Variants in ADCY5 observed in about 807,000 individuals in gnomAD.
ADCY5 encodes adenylate cyclase type 5.
Under a neutral mutation model 119.7 loss-of-function variants are expected in ADCY5, and 30 were observed. The ratio of observed to expected loss-of-function variants is 0.25; its 90% confidence interval spans 0.19 to 0.34. ADCY5 has a LOEUF of 0.34. Among genes scored for constraint, ADCY5 ranks in the 10% least tolerant of loss-of-function variants. The pLI, the probability that ADCY5 is intolerant of heterozygous loss-of-function variation, is 1.00. For missense variants in ADCY5, 1,324 were observed against 1,775.2 expected, an observed-to-expected ratio of 0.75 and a Z score of 4.57; for synonymous variants, 753 against 762.2, an observed-to-expected ratio of 0.99 and a Z score of 0.20.
At chr3:123,322,673 C>A (rs1941285273) in intron 8 of ADCY5, among the ~76,000 whole-genome samples, 1 of 152,186 alleles carries the variant, frequency 6.6e-6, no homozygotes, top group African/African-American at 2.4e-5. Context: ...ACCCTACCGG[C>A]TATTCCTGGG....
chr3:123,333,140 G>A (rs111786026), intron 3 of ADCY5, among the ~76,000 whole-genome samples: 1,611 of 152,252 alleles, frequency 0.011, 12 homozygotes, highest in Middle Eastern at 0.01. Context: ...GAGCCCTCAC[G>A]AATGGATTAG....
intron 3 of ADCY5, among the ~76,000 whole-genome samples, chr3:123,345,431 G>A (rs890330225): frequency 5.9e-5 from 9 of 152,206 alleles, no homozygotes; most frequent in Non-Finnish European, 1.0e-4. Context: ...AAAGCTCTGC[G>A]GAGCTGAGAG....
intron 1 of ADCY5, among the ~76,000 whole-genome samples, chr3:123,419,853 C>T (rs900501993): frequency 1.3e-5 from 2 of 152,152 alleles, no homozygotes; most frequent in Non-Finnish European, 2.9e-5. Context: ...GCTCTTCCCA[C>T]TCCGACTCTC....
intron 1 of ADCY5, among the ~76,000 whole-genome samples, chr3:123,355,870 T>C (rs1943020542): frequency 6.6e-6 from 1 of 152,182 alleles, no homozygotes; most frequent in African/African-American, 2.4e-5. Context: ...TGAAAAAGAT[T>C]GCCAATCAAG....
At position 123,302,107 on chromosome 3, in the gene ADCY5, T is replaced by C. The variant is rs184194135; in HGVS notation, c.2724+948A>G. The stretch of plus-strand genomic sequence containing the variant: ...GCCCTTTGGGAGTTGGATGAAAACA[T>C]AGACCTTCTCCCCAGAAAAAGGCAA... On this transcript the variant is annotated intron_variant, in intron 14 of 20. Coordinates refer to ENST00000462833, the MANE Select transcript of ADCY5 (RefSeq NM_183357.3). Among the ~76,000 whole-genome samples, 491 of 152,290 alleles carry C rather than the reference T, an allele frequency of 3.2e-3. 7 individuals carry two copies. The highest frequency in any genetic ancestry group is 9.5e-3 in the African/African-American group (394 of 41,568).
intron 1 of ADCY5, among the ~76,000 whole-genome samples, chr3:123,384,513 C>T (rs1944151543): frequency 6.6e-6 from 1 of 152,206 alleles, no homozygotes; most frequent in Non-Finnish European, 1.5e-5. Flanking sequence ...TACATTACCT[C>T]GGGCTCTTGC....
chr3:123,398,269 C>T, intron 1 of ADCY5, among the ~76,000 whole-genome samples: 1 of 152,102 alleles, frequency 6.6e-6, no homozygotes, highest in African/African-American at 2.4e-5. Context: ...TGCCCCTCTA[C>T]TGGGACCCAC....
chr3:123,290,043 C>G, intron 18 of ADCY5, 89 bp from the exon 19 acceptor site: 1 of 1,307,396 alleles, frequency 7.6e-7, no homozygotes. Context: ...GGAAGTGCAG[C>G]AGCATGGCCC....
intron 7 of ADCY5, among the ~76,000 whole-genome samples, chr3:123,327,292 A>C (rs1941537923): frequency 6.6e-6 from 1 of 152,220 alleles, no homozygotes; most frequent in Admixed American, 6.5e-5. Context: ...TAAAAGGCAA[A>C]TGAAAAGGAG....
rs58986112 is a variant in ADCY5, at chr3:123,358,195, T to TGTATGTGTGTGTGA, written c.1135-5615_1135-5614insTCACACACACATAC. Reference sequence around the variant, plus strand: ...GTGTGTGTGTGTGTGTGTGTGTGTGTAGGGAGTTGGTGGTATGGCGGAGCA... The same window carrying TGTATGTGTGTGTGA: ...GTGTGTGTGTGTGTGTGTGTGTGTGTGTATGTGTGTGTGAAGGGAGTTGGTGGTATGGCGGAGCA... On this transcript the variant is annotated intron_variant, in intron 1 of 20. Transcript: ENST00000462833. Among the ~76,000 whole-genome samples, 117 of 149,200 alleles carry TGTATGTGTGTGTGA rather than the reference T, an allele frequency of 7.8e-4. 3 individuals are homozygous for TGTATGTGTGTGTGA. The highest frequency in any genetic ancestry group is 2.3e-3 in the African/African-American group (94 of 40,046).
chr3:123,339,736 C>T (rs1576594988), intron 3 of ADCY5, among the ~76,000 whole-genome samples: 3 of 148,424 alleles, frequency 2.0e-5, no homozygotes, highest in South Asian at 4.4e-4. Context: ...AAACCCCTCT[C>T]GTTTCTGCCT....
At chr3:123,382,623 A>G (rs1944067566) in intron 1 of ADCY5, among the ~76,000 whole-genome samples, 1 of 152,224 alleles carries the variant, frequency 6.6e-6, no homozygotes. Flanking sequence ...ATGCTACAAC[A>G]GGGATAAGCC....
chr3:123,347,493 C>T (rs750836887), intron 3 of ADCY5, among the ~76,000 whole-genome samples: 8 of 152,132 alleles, frequency 5.3e-5, no homozygotes, highest in Admixed American at 1.3e-4. Context: ...GGAGCTCCTC[C>T]CCAAAGCGGC....
chr3:123,396,779 A>AAGGAAGGC (rs1944594725), intron 1 of ADCY5, among the ~76,000 whole-genome samples: 16 of 69,982 alleles, frequency 2.3e-4, no homozygotes, highest in African/African-American at 8.4e-4. Flanking sequence ...GGAAGGAAGG[A>AAGGAAGGC]AGGCAGGCAG....
At chr3:123,324,076 C>T (rs905730720) in intron 8 of ADCY5, among the ~76,000 whole-genome samples, 1 of 152,184 alleles carries the variant, frequency 6.6e-6, no homozygotes, top group Non-Finnish European at 1.5e-5. Flanking sequence ...GGTTTCTCCA[C>T]TCTGCTGTCT....
At chr3:123,382,645 A>C (rs1944069083) in intron 1 of ADCY5, among the ~76,000 whole-genome samples, 1 of 152,262 alleles carries the variant, frequency 6.6e-6, no homozygotes, top group Non-Finnish European at 1.5e-5. Context: ...CAAAAACATT[A>C]TGCTAAGTGA....
intron 1 of ADCY5, among the ~76,000 whole-genome samples, chr3:123,371,575 C>T (rs1019839943): frequency 1.3e-5 from 2 of 152,232 alleles, no homozygotes; most frequent in African/African-American, 4.8e-5. Context: ...GGACCCAAGC[C>T]GGGTTCTGGT....
intron 1 of ADCY5, among the ~76,000 whole-genome samples, chr3:123,384,198 C>G (rs1944137048): frequency 6.6e-6 from 1 of 152,176 alleles, no homozygotes; most frequent in Non-Finnish European, 1.5e-5. Flanking sequence ...AAGAAAAGAC[C>G]CTGAGGGAGA....
At chr3:123,386,399 T>C (rs1944226506) in intron 1 of ADCY5, among the ~76,000 whole-genome samples, 1 of 152,184 alleles carries the variant, frequency 6.6e-6, no homozygotes, top group Non-Finnish European at 1.5e-5. Flanking sequence ...CTCAGAACAC[T>C]GTCCTTCATG....
Sources: gnomAD v4.1 joint callset for allele counts (sites outside exome capture counted in the v4.1 genomes callset) on GRCh38, gnomAD v4.1.1 for gene constraint, MANE v1.5 for transcripts, NCBI Gene and HGNC (gene_info 2026-07-23, HGNC 2026-07-21) for gene names.